The following PDCD10 variants were observed in gnomAD, a reference collection of about 807,000 sequenced individuals.
PDCD10 encodes programmed cell death protein 10.
A neutral mutation model predicts 29.2 loss-of-function variants in PDCD10; 4 were observed. The ratio of observed to expected loss-of-function variants is 0.14; its 90% confidence interval spans 0.07 to 0.31. The LOEUF is 0.31. Among genes scored for constraint, PDCD10 ranks in the 10% least tolerant of loss-of-function variants. The pLI, the probability that PDCD10 is intolerant of heterozygous loss-of-function variation, is 1.00. For missense variants in PDCD10, 183 were observed against 257.9 expected (o/e 0.71, Z 1.99); for synonymous variants, 70 against 82.2 (o/e 0.85, Z 0.80).
chr3:167,705,464 T>G (rs1157105577), intron 3 of PDCD10, among the ~76,000 whole-genome samples: 1 of 152,158 alleles, frequency 6.6e-6, no homozygotes, highest in Non-Finnish European at 1.5e-5. Flanking sequence ...TATTATGCAA[T>G]AAAGTCTTCC....
At chr3:167,722,390 C>T (rs548045794) in intron 2 of PDCD10, among the ~76,000 whole-genome samples, 2 of 152,194 alleles carry the variant, frequency 1.3e-5, no homozygotes, top group African/African-American at 4.8e-5. Flanking sequence ...AACTGTGGTG[C>T]GCACAAAAGG....
intron 2 of PDCD10, among the ~76,000 whole-genome samples, chr3:167,720,966 C>CAG (rs144805731): frequency 0.29 from 43,709 of 151,792 alleles, 6,902 homozygotes; most frequent in African/African-American, 0.43. Flanking sequence ...AAGAAAAACC[C>CAG]AGAGGCTGGT....
chr3:167,712,248 T>A (rs571131482), intron 3 of PDCD10, among the ~76,000 whole-genome samples: 1 of 152,158 alleles, frequency 6.6e-6, no homozygotes, highest in Admixed American at 6.5e-5. Flanking sequence ...CAACAAAAGT[T>A]AAAAAATGAG....
At chr3:167,687,769 G>C in intron 6 of PDCD10, 76 bp from the exon 7 acceptor site, 1 of 793,192 alleles carries the variant, frequency 1.3e-6, no homozygotes, top group Non-Finnish European at 2.2e-6. Context: ...AGCTACATTT[G>C]AAAGAAATTA....
chr3:167,692,874 C>A (rs1027572429), intron 6 of PDCD10, among the ~76,000 whole-genome samples: 1 of 152,188 alleles, frequency 6.6e-6, no homozygotes, highest in Non-Finnish European at 1.5e-5. Context: ...GCCGAGATGG[C>A]GCCACTGCAC....
At chr3:167,684,540 AAT>A (rs1719376838) in intron 8 of PDCD10, 151 bp from the exon 9 acceptor site, 2 of 603,140 alleles carry the variant, frequency 3.3e-6, no homozygotes, top group Non-Finnish European at 5.9e-6. Context: ...TTTAGGATAT[AAT>A]AGTCTTGCAT....
intron 2 of PDCD10, among the ~76,000 whole-genome samples, chr3:167,721,254 T>A (rs1723529813): frequency 6.6e-6 from 1 of 152,090 alleles, no homozygotes; most frequent in Non-Finnish European, 1.5e-5. Context: ...AAAACTGCAA[T>A]TCTAATTTTA....
intron 5 of PDCD10, among the ~76,000 whole-genome samples, chr3:167,696,091 A>G (rs1017887611): frequency 3.3e-5 from 5 of 152,192 alleles, no homozygotes; most frequent in Non-Finnish European, 5.9e-5. Context: ...AATGAGTGTC[A>G]TAACTAGTGC....
intron 3 of PDCD10, among the ~76,000 whole-genome samples, chr3:167,715,070 A>C (rs1054893585): frequency 1.3e-5 from 2 of 151,716 alleles, no homozygotes; most frequent in South Asian, 2.1e-4. Context: ...CAAAAAAAAA[A>C]CCAGACCAAT....
rs147612057 is a variant in PDCD10, at chr3:167,725,990, C to G, written c.-116-5717G>C. Among the ~76,000 whole-genome samples the G allele has an allele frequency of 2.5e-3, 381 of 150,910 alleles. 4 individuals carry two copies. Among genetic ancestry groups the G allele is most frequent in the African/African-American group, 8.8e-3 (363 of 41,274 alleles). The stretch of plus-strand genomic sequence containing the variant: ...GTTTCTTCTTTAATATGTCTGACAA[C>G]TCTAGGGTACTTAGCAGCACAAGCT... On this transcript the variant is annotated intron_variant, in intron 2 of 8. Transcript: ENST00000392750.
intron 2 of PDCD10, among the ~76,000 whole-genome samples, chr3:167,721,426 A>G (rs1251294239): frequency 6.6e-6 from 1 of 152,198 alleles, no homozygotes; most frequent in Non-Finnish European, 1.5e-5. Context: ...CTACTCAAGA[A>G]AAGTACCCAG....
chr3:167,684,381 T>C lies in PDCD10; in HGVS notation c.566A>G (p.Asn189Ser). Reference protein sequence around the residue: ...KTYFKDGKAINVFVSANRLIH... With the variant: ...KTYFKDGKAISVFVSANRLIH... ...TAGTCGGTTGGCACTTACGAACACA[T>C]TTATTGCCCTGTTTAAAAAGAAAAG... is the stretch of plus-strand genomic sequence containing the variant. Residue 189 changes from asparagine to serine, a missense_variant, in exon 9 of 9, where the codon AAT becomes AGT. Asn to Ser is a conservative substitution (Grantham distance 46, BLOSUM62 1). Transcript: ENST00000392750. 2 of 1,589,136 alleles carry C rather than the reference T, an allele frequency of 1.3e-6. No homozygotes were observed. Among genetic ancestry groups the C allele is most frequent in the South Asian group, 2.2e-5 (2 of 90,600 alleles).
intron 4 of PDCD10, among the ~76,000 whole-genome samples, chr3:167,699,827 T>C (rs1440917743): frequency 2.6e-5 from 4 of 152,196 alleles, no homozygotes; most frequent in East Asian, 3.8e-4. Flanking sequence ...TACATGCAGA[T>C]ACTTTTCAAT....
chr3:167,694,130 A>G (rs1720547862), intron 6 of PDCD10, among the ~76,000 whole-genome samples: 1 of 152,152 alleles, frequency 6.6e-6, no homozygotes, highest in African/African-American at 2.4e-5. Context: ...CCAAAAAATA[A>G]CCAGCAAATT....
At chr3:167,697,903 C>T in intron 4 of PDCD10, 1 of 456,176 alleles carries the variant, frequency 2.2e-6, no homozygotes, top group Non-Finnish European at 4.4e-6. Context: ...ATTCTGTAAT[C>T]ACACTTGATG....
At chr3:167,721,694 C>T (rs1723584220) in intron 2 of PDCD10, among the ~76,000 whole-genome samples, 3 of 152,308 alleles carry the variant, frequency 2.0e-5, no homozygotes, top group South Asian at 2.1e-4. Flanking sequence ...CCATTTCTGA[C>T]AGTTCTAAAC....
intron 6 of PDCD10, among the ~76,000 whole-genome samples, chr3:167,693,565 G>A (rs1720482712): frequency 6.6e-6 from 1 of 152,144 alleles, no homozygotes; most frequent in South Asian, 2.1e-4. Flanking sequence ...GTTACAGAGT[G>A]CACACAATTC....
In PDCD10 at chr3:167,685,108, T is replaced by C. The variant is rs140340867; in HGVS notation, c.558-719A>G. Among the ~76,000 whole-genome samples, 347 of 152,082 alleles carry C rather than the reference T, an allele frequency of 2.3e-3. 2 individuals are homozygous for C. The highest frequency in any genetic ancestry group is 7.8e-3 in the African/African-American group (324 of 41,502). ...TAGCATGCACCCGCATCCTAGACAT[T>C]TCTCAAAAGAGAAGGCCCAGGGACT... is the stretch of plus-strand genomic sequence containing the variant. On this transcript the variant is annotated intron_variant, in intron 8 of 8. Transcript: ENST00000392750.
intron 3 of PDCD10, among the ~76,000 whole-genome samples, chr3:167,711,538 G>T (rs1722517707): frequency 6.6e-6 from 1 of 152,126 alleles, no homozygotes; most frequent in Admixed American, 6.5e-5. Context: ...TCTCAAAATG[G>T]TGAACCTAAG....
Sources: allele counts gnomAD v4.1 joint callset (sites outside exome capture counted in the v4.1 genomes callset), GRCh38; gene constraint gnomAD v4.1.1; transcripts MANE v1.5; gene names NCBI Gene and HGNC (gene_info 2026-07-23, HGNC 2026-07-21).